The following CHRM3 variants were observed in gnomAD, a reference collection of about 807,000 sequenced individuals.
CHRM3 encodes cholinergic receptor muscarinic 3, also known as muscarinic acetylcholine receptor M3.
CHRM3 carries 11 observed loss-of-function variants against 41.8 expected under a neutral mutation model. That is an observed-to-expected ratio of 0.26 (90% CI 0.17 to 0.44). The LOEUF (loss-of-function observed/expected upper bound fraction) is 0.44. CHRM3 is among the 20% of genes least tolerant of loss of function. The probability of loss-of-function intolerance (pLI) is 1.00; values close to 1 mark genes in which losing one functional copy is unlikely to be tolerated. For synonymous variants in CHRM3, 297 were observed against 301.4 expected, an observed-to-expected ratio of 0.99 and a Z score of 0.15; for missense variants, 571 against 745.4, an observed-to-expected ratio of 0.77 and a Z score of 2.72.
At chr1:239,859,125 G>A (rs1189157955) in intron 6 of CHRM3, among the ~76,000 whole-genome samples, 1 of 152,142 alleles carries the variant, frequency 6.6e-6, no homozygotes, top group Non-Finnish European at 1.5e-5. Flanking sequence ...GGAATTACTG[G>A]GTCATGTGGT....
intron 3 of CHRM3, among the ~76,000 whole-genome samples, chr1:239,618,782 T>C (rs1453000834): frequency 7.1e-6 from 1 of 141,104 alleles, no homozygotes; most frequent in Non-Finnish European, 1.5e-5. Flanking sequence ...AGGCGGAGCT[T>C]GCAGTGAGCC....
intron 1 of CHRM3, among the ~76,000 whole-genome samples, chr1:239,412,825 A>G (rs1200112026): frequency 6.6e-6 from 1 of 152,104 alleles, no homozygotes; most frequent in Non-Finnish European, 1.5e-5. Context: ...TTATTTCAAG[A>G]TAAATCAGAC....
chr1:239,643,765 G>A (rs928608338), intron 4 of CHRM3, among the ~76,000 whole-genome samples: 24 of 152,314 alleles, frequency 1.6e-4, no homozygotes, highest in South Asian at 2.1e-4. Flanking sequence ...TGCACGGTGC[G>A]CTGCACCCAC....
chr1:239,740,174 C>G (rs941123244), intron 5 of CHRM3, among the ~76,000 whole-genome samples: 17 of 152,052 alleles, frequency 1.1e-4, no homozygotes, highest in African/African-American at 3.6e-4. Flanking sequence ...CCTTCCACTT[C>G]CTATTGGGCA....
chr1:239,758,924 T>C (rs1666463085), intron 5 of CHRM3, among the ~76,000 whole-genome samples: 1 of 152,158 alleles, frequency 6.6e-6, no homozygotes, highest in African/African-American at 2.4e-5. Flanking sequence ...TGCATCTGGT[T>C]GTCTGAGGCC....
At chr1:239,839,253 CT>C (rs2149146436) in intron 6 of CHRM3, among the ~76,000 whole-genome samples, 1 of 152,332 alleles carries the variant, frequency 6.6e-6, no homozygotes, top group Admixed American at 6.5e-5. Context: ...TTCAAAGCTA[CT>C]TTCACTGCCT....
chr1:239,887,735 G>A (rs1363128076), intron 6 of CHRM3, among the ~76,000 whole-genome samples: 1 of 152,108 alleles, frequency 6.6e-6, no homozygotes, highest in Admixed American at 6.5e-5. Context: ...GTTTTTTAAA[G>A]TGTCGGTTTC....
At chr1:239,601,909 G>A (rs1382525022) in intron 3 of CHRM3, among the ~76,000 whole-genome samples, 3 of 151,488 alleles carry the variant, frequency 2.0e-5, no homozygotes, top group Non-Finnish European at 4.4e-5. Context: ...TACTGCCTCC[G>A]TCTTTCATCT....
intron 1 of CHRM3, among the ~76,000 whole-genome samples, chr1:239,449,015 T>C (rs1438676849): frequency 6.6e-6 from 1 of 152,176 alleles, no homozygotes; most frequent in Non-Finnish European, 1.5e-5. Flanking sequence ...ACCTAGCCTC[T>C]ATTTGATTTT....
rs1680286415 is a variant in CHRM3, at chr1:239,910,288, G to A, written c.*1064G>A. The A allele has an allele frequency of 6.1e-6, 1 of 163,402 alleles. No homozygotes were observed. The allele number at this position is 163,402 out of a possible 1,614,324, so 10.1% of individuals were successfully genotyped here. A position where few individuals can be genotyped will look rare whatever the true frequency, so the allele number is the denominator to read the frequency against. ...GAAACTCAATAATAGTGTCACGTTT[G>A]AATGTCATACACAGCAATATATATA... On this transcript the variant is annotated 3_prime_UTR_variant, in exon 7 of 7. Transcript: ENST00000676153.
chr1:239,476,806 C>T (rs536947056), intron 1 of CHRM3, among the ~76,000 whole-genome samples: 18 of 152,242 alleles, frequency 1.2e-4, no homozygotes, highest in Admixed American at 5.2e-4. Context: ...TCAACCTCCA[C>T]GTATATTTTC....
intron 5 of CHRM3, among the ~76,000 whole-genome samples, chr1:239,792,215 G>T (rs2148867799): frequency 6.6e-6 from 1 of 152,284 alleles, no homozygotes; most frequent in Non-Finnish European, 1.5e-5. Flanking sequence ...GGAGGGAGAA[G>T]AACTCTGCTT....
chr1:239,487,451 G>T (rs1280622372), intron 1 of CHRM3, among the ~76,000 whole-genome samples: 2 of 151,986 alleles, frequency 1.3e-5, no homozygotes, highest in African/African-American at 4.8e-5. Flanking sequence ...TAGATTTTGG[G>T]AGAAAAGCCT....
intron 2 of CHRM3, among the ~76,000 whole-genome samples, chr1:239,495,469 C>T (rs769329790): frequency 6.6e-6 from 1 of 152,210 alleles, no homozygotes; most frequent in Non-Finnish European, 1.5e-5. Context: ...TTGAGCCACT[C>T]TCTCAGTTTA....
intron 5 of CHRM3, among the ~76,000 whole-genome samples, chr1:239,735,546 T>C (rs1291873206): frequency 6.6e-6 from 1 of 152,118 alleles, no homozygotes; most frequent in African/African-American, 2.4e-5. Context: ...CAAACATGGA[T>C]TCATTAATTT....
chr1:239,804,952 T>C (rs1670515133), intron 5 of CHRM3, among the ~76,000 whole-genome samples: 1 of 152,204 alleles, frequency 6.6e-6, no homozygotes, highest in Non-Finnish European at 1.5e-5. Context: ...CTGCTAATTC[T>C]TCTCAAAGAT....
chr1:239,887,938 G>T (rs556377618), intron 6 of CHRM3, among the ~76,000 whole-genome samples: 1 of 152,252 alleles, frequency 6.6e-6, no homozygotes, highest in Non-Finnish European at 1.5e-5. Context: ...GCTTGTATCT[G>T]TCCCTGATTT....
At chr1:239,514,605 A>G (rs1669141178) in intron 2 of CHRM3, among the ~76,000 whole-genome samples, 1 of 152,006 alleles carries the variant, frequency 6.6e-6, no homozygotes. Context: ...TATGCCTTTT[A>G]TTTCACTTTT....
At chr1:239,581,701 A>G (rs1008214870) in intron 3 of CHRM3, among the ~76,000 whole-genome samples, 2 of 152,172 alleles carry the variant, frequency 1.3e-5, no homozygotes, top group African/African-American at 4.8e-5. Flanking sequence ...CAATCATCCT[A>G]AAAGTAGGTA....
Sources: gnomAD v4.1 joint callset for allele counts (sites outside exome capture counted in the v4.1 genomes callset) on GRCh38, gnomAD v4.1.1 for gene constraint, MANE v1.5 for transcripts, NCBI Gene and HGNC (gene_info 2026-07-23, HGNC 2026-07-21) for gene names.